The following CLCNKB variants were observed in gnomAD, a reference collection of about 807,000 sequenced individuals.
CLCNKB encodes chloride voltage-gated channel Kb, also known as chloride channel protein ClC-Kb.
A neutral mutation model predicts 83.8 loss-of-function variants in CLCNKB; 74 were observed. The observed-to-expected ratio is 0.88, with a 90% CI of 0.73 to 1.07. The LOEUF is 1.07. Ranked by LOEUF, CLCNKB falls within the 50% of genes least tolerant of loss-of-function variation. The pLI is 0.00. For missense variants in CLCNKB, 798 were observed against 893.6 expected (o/e 0.89, Z 1.36); for synonymous variants, 358 against 356.6 (o/e 1.00, Z -0.04).
At chr1:16,053,306 G>A (rs2124106165) in intron 15 of CLCNKB, among the ~76,000 whole-genome samples, 1 of 152,276 alleles carries the variant, frequency 6.6e-6, no homozygotes, top group South Asian at 2.1e-4. Flanking sequence ...GGGATTACAG[G>A]CGTGAGCCAC....
At chr1:16,051,962 C>T (rs538690548) in intron 14 of CLCNKB, 142 bp downstream of exon 14, 2 of 851,744 alleles carry the variant, frequency 2.3e-6, no homozygotes, top group South Asian at 1.5e-5. Context: ...GTCTGTCCCT[C>T]CTGAGCCCCA....
chr1:16,044,817 C>T (rs1415309618), intron 2 of CLCNKB, among the ~76,000 whole-genome samples: 2 of 152,222 alleles, frequency 1.3e-5, no homozygotes, highest in African/African-American at 4.8e-5. Flanking sequence ...TCGGGAGATA[C>T]AGCCCAAGGC....
intron 7 of CLCNKB, chr1:16,048,888 C>A (rs2023188726): frequency 2.1e-6 from 3 of 1,446,122 alleles, no homozygotes; most frequent in Non-Finnish European, 2.7e-6. Context: ...TCGCAACCGT[C>A]CCCACCCGAT....
intron 18 of CLCNKB, 125 bp from the exon 19 acceptor site, chr1:16,056,297 G>C: frequency 3.0e-6 from 3 of 1,008,336 alleles, no homozygotes; most frequent in South Asian, 2.6e-5. Context: ...TGCAGGCCTG[G>C]GTCTCTTGTC....
chr1:16,052,743 G>A (rs1339227322), intron 15 of CLCNKB, among the ~76,000 whole-genome samples: 1 of 152,156 alleles, frequency 6.6e-6, no homozygotes, highest in African/African-American at 2.4e-5. Context: ...GATCCGAGAG[G>A]TCTCCTCCCC....
In CLCNKB at chr1:16,049,856, A is replaced by C. The variant is rs546971062; in HGVS notation, c.908A>C (p.Gln303Pro). Residue 303 changes from glutamine to proline, a missense_variant, in exon 10 of 20, where the codon CAG becomes CCG. Coordinates refer to ENST00000375679, the MANE Select transcript of CLCNKB (RefSeq NM_000085.5). ...GILGSAYLFC[Q>P]RIFFGFIRNN... ...CTGGGCAGCGCTTACCTCTTCTGTCAGCGAATCTTCTTTGGCTTCATCAGG... is the reference window on the plus strand; with the variant it reads ...CTGGGCAGCGCTTACCTCTTCTGTCCGCGAATCTTCTTTGGCTTCATCAGG... The C allele has an allele frequency of 1.2e-6, 2 of 1,613,754 alleles. No homozygotes were observed.
In CLCNKB at chr1:16,055,321, C is replaced by T. The variant is rs12029508; in HGVS notation, c.1757-114C>T. On this transcript the variant is annotated intron_variant, in intron 16 of 19. Coordinates refer to ENST00000375679, the MANE Select transcript of CLCNKB (RefSeq NM_000085.5). The stretch of plus-strand genomic sequence containing the variant: ...GTCCTTTATAATGGGTGACAATAGT[C>T]ACAATAGCCCCATAGGAACACCAGA... 0.46 allele frequency: 401,609 copies of T among 863,714 alleles called. 96,312 individuals are homozygous for T. The highest frequency in any genetic ancestry group is 0.82 in the East Asian group (31,535 of 38,402). The allele number at this position is 863,714 out of a possible 1,614,324, so 53.5% of individuals were successfully genotyped here. A position where few individuals can be genotyped will look rare whatever the true frequency, so the allele number is the denominator to read the frequency against.
chr1:16,046,502 G>A lies in CLCNKB; in HGVS notation c.230-33G>A, dbSNP rs201091415. The A allele has an allele frequency of 1.1e-4, 181 of 1,612,696 alleles. No homozygotes were observed. The African/African-American group carries it at 2.2e-3, about 20-fold the overall frequency. The stretch of plus-strand genomic sequence containing the variant: ...TCTGGCCCCGAGGGCTGCAGAGGCT[G>A]TGGGTGCCTCCCTGATACCCGGCTG... On this transcript the variant is annotated intron_variant, in intron 3 of 19. Coordinates refer to ENST00000375679, the MANE Select transcript of CLCNKB (RefSeq NM_000085.5).
At chr1:16,044,267 TC>T (rs2023021541) in intron 1 of CLCNKB, among the ~76,000 whole-genome samples, 1 of 151,036 alleles carries the variant, frequency 6.6e-6, no homozygotes, top group Non-Finnish European at 1.5e-5. Context: ...CCCACCCCCA[TC>T]CCACACAATG....
At position 16,055,815 on chromosome 1, in the gene CLCNKB, G is replaced by A; in HGVS notation, c.1929+57G>A. 5 of 1,526,042 alleles carry A rather than the reference G, an allele frequency of 3.3e-6. No individual in the cohort carries two copies. In the South Asian group the frequency reaches 3.4e-5, roughly 10 times the overall value. 94.5% of individuals were successfully genotyped at this position (1,526,042 alleles called of 1,614,324 possible). On this transcript the variant is annotated intron_variant, in intron 18 of 19. Coordinates refer to ENST00000375679, the MANE Select transcript of CLCNKB (RefSeq NM_000085.5). ...GAGGCCTCTGGGTGGGGGAAGAGCT[G>A]ATGAGGAGCTCACGCTCCAGCCTCC...
chr1:16,045,738 T>C, intron 3 of CLCNKB, 52 bp downstream of exon 3: 2 of 1,457,870 alleles, frequency 1.4e-6, no homozygotes, highest in Non-Finnish European at 9.3e-7. Flanking sequence ...CTGAGCTCTC[T>C]CTGGGGATGC....
chr1:16,052,519 T>TGGGGGCTGGG, intron 15 of CLCNKB, 108 bp downstream of exon 15: 1 of 1,354,162 alleles, frequency 7.4e-7, no homozygotes, highest in Non-Finnish European at 1.0e-6. Flanking sequence ...ACCTCGGACA[T>TGGGGGCTGGG]GGGGGCTGAC....
At chr1:16,048,254 G>C in intron 5 of CLCNKB, 89 bp from the exon 6 acceptor site, 1 of 1,541,058 alleles carries the variant, frequency 6.5e-7, no homozygotes, top group Non-Finnish European at 8.9e-7. Flanking sequence ...AGATGGAGGA[G>C]GGGGTGTTGG....
Position 16,055,705 on chromosome 1 carries a change from T to C in CLCNKB, c.1876T>C (p.Cys626Arg). The C allele has an allele frequency of 6.2e-7, 1 of 1,613,878 alleles. No homozygotes were observed. The highest frequency in any genetic ancestry group is 1.1e-5 in the South Asian group (1 of 91,076). The stretch of plus-strand genomic sequence containing the variant: ...TCTCCAGGACATCTTGGCTGCAGGC[T>C]GCCCCACAGAACCAGTGACCCTGAA... ...QCLQDILAAG[C>R]PTEPVTLKLS... The change falls in exon 18 of 20, where the codon TGC (cysteine) becomes CGC (arginine). Residue 626 changes from cysteine (C) to arginine (R), a missense_variant. Physicochemically the swap from Cys to Arg is radical, Grantham distance 180 (BLOSUM62 -3). Transcript: ENST00000375679.
chr1:16,049,048 C>G (rs766129316), intron 7 of CLCNKB, 72 bp from the exon 8 acceptor site: 13 of 1,612,558 alleles, frequency 8.1e-6, no homozygotes, highest in Middle Eastern at 1.8e-4. Flanking sequence ...GAGGAGGTGA[C>G]ATGGGGAGGG....
chr1:16,045,745 A>G, intron 3 of CLCNKB, 59 bp downstream of exon 3: 1 of 1,262,912 alleles, frequency 7.9e-7, no homozygotes. Flanking sequence ...CTCTCTGGGG[A>G]TGCCAGGTGG....
chr1:16,055,019 C>T (rs1296744817), intron 16 of CLCNKB, among the ~76,000 whole-genome samples: 1 of 152,208 alleles, frequency 6.6e-6, no homozygotes, highest in African/African-American at 2.4e-5. Context: ...GACCTCAGAA[C>T]ACAGTGTCCT....
At chr1:16,045,800 G>A in intron 3 of CLCNKB, 114 bp downstream of exon 3, 1 of 1,089,330 alleles carries the variant, frequency 9.2e-7, no homozygotes, top group Non-Finnish European at 1.3e-6. Flanking sequence ...CTCTGGGTGG[G>A]GATCTGGTCC....
intron 8 of CLCNKB, 40 bp from the exon 9 acceptor site, chr1:16,049,578 G>T: frequency 6.7e-7 from 1 of 1,493,946 alleles, no homozygotes; most frequent in Non-Finnish European, 9.2e-7. Context: ...TGGGTCGGGT[G>T]GGAGCGCCAT....
Sources: allele counts gnomAD v4.1 joint callset (sites outside exome capture counted in the v4.1 genomes callset), GRCh38; gene constraint gnomAD v4.1.1; transcripts MANE v1.5; gene names NCBI Gene and HGNC (gene_info 2026-07-23, HGNC 2026-07-21).